Variants in CDC23 observed in about 807,000 individuals in gnomAD.
CDC23 encodes the protein cell division cycle 23.
A neutral mutation model predicts 81.7 loss-of-function variants in CDC23; 26 were observed. The ratio of observed to expected loss-of-function variants is 0.32; its 90% CI spans 0.23 to 0.44. The LOEUF is 0.44. Among genes scored for constraint, CDC23 ranks in the 20% least tolerant of loss-of-function variants. The pLI is 1.00. For missense variants in CDC23, 519 were observed against 728.0 expected, an observed-to-expected ratio of 0.71 and a Z score of 3.30; for synonymous variants, 267 against 270.8, an observed-to-expected ratio of 0.99 and a Z score of 0.14.
chr5:138,192,263 G>T lies in CDC23; in HGVS notation c.1286+6C>A. 6.2e-7 allele frequency: 1 copy of T among 1,614,128 alleles called. No individual in the cohort carries two copies. The highest frequency in any genetic ancestry group is 8.5e-7 in the Non-Finnish European group (1 of 1,180,010). The stretch of plus-strand genomic sequence containing the variant: ...ATCAGACGCATTGTCAAGTGACCAG[G>T]CTTACCGAAGCTGGTGGGCCCGTCT... On this transcript the variant is annotated splice_donor_region_variant and intron_variant, in intron 11 of 15. Transcript: ENST00000394886.
intron 12 of CDC23, 74 bp downstream of exon 12, chr5:138,191,787 TA>T: frequency 8.2e-7 from 1 of 1,215,614 alleles, no homozygotes; most frequent in East Asian, 2.3e-5. Context: ...AGGGAAAAAT[TA>T]GAGCACAGAT....
At chr5:138,210,509 G>A (rs1235574038) in intron 2 of CDC23, among the ~76,000 whole-genome samples, 2 of 152,174 alleles carry the variant, frequency 1.3e-5, no homozygotes, top group East Asian at 1.9e-4. Context: ...CTGGGTGACA[G>A]AGCAACATTC....
Position 138,188,884 on chromosome 5 carries a change from A to T in CDC23, c.*94T>A. Reference sequence around the variant, plus strand: ...TGTTGCCATCTGTAGAAACAAGAAGAGCTGAGGTCCTTGGAACAGACGTGC... The same window carrying T: ...TGTTGCCATCTGTAGAAACAAGAAGTGCTGAGGTCCTTGGAACAGACGTGC... On this transcript the variant is annotated 3_prime_UTR_variant, in exon 16 of 16. Coordinates refer to ENST00000394886, the MANE Select transcript of CDC23 (RefSeq NM_004661.4). 1 of 1,233,106 alleles carries T rather than the reference A, an allele frequency of 8.1e-7. No homozygotes were observed. The highest frequency in any genetic ancestry group is 1.1e-6 in the Non-Finnish European group (1 of 893,814). 76.4% of individuals were successfully genotyped at this position (1,233,106 alleles called of 1,614,324 possible). A position where few individuals can be genotyped will look rare whatever the true frequency, so the allele number is the denominator to read the frequency against.
At position 138,187,756 on chromosome 5, in the gene CDC23, A is replaced by C. The variant is rs1455009574; in HGVS notation, c.*1222T>G. The stretch of plus-strand genomic sequence containing the variant: ...TCAAACATCATTCTGGACCATGGGA[A>C]CCTTGAAAAGGCATGGCAGTGGAGA... On this transcript the variant is annotated 3_prime_UTR_variant, in exon 16 of 16. Transcript: ENST00000394886. 1 of 216,974 alleles carries C rather than the reference A, an allele frequency of 4.6e-6. No homozygotes were observed. Among genetic ancestry groups the C allele is most frequent in the Non-Finnish European group, 9.3e-6 (1 of 107,024 alleles). 13.4% of individuals were successfully genotyped at this position (216,974 alleles called of 1,614,324 possible).
chr5:138,206,656 G>A lies in CDC23; in HGVS notation c.263C>T (p.Thr88Ile). The change falls in exon 3 of 16, where the codon ACC becomes ATC. Residue 88 changes from threonine to isoleucine, a missense_variant. Coordinates refer to ENST00000394886, the MANE Select transcript of CDC23 (RefSeq NM_004661.4). ...AACGTCAAAGTAGGCCTTGGCCAGG[G>A]TATAGGCATCCATATCCTGGGCATC... ...EEDAQDMDAY[T>I]LAKAYFDVKE... 6.2e-7 allele frequency: 1 copy of A among 1,613,234 alleles called. No homozygotes were observed. Among genetic ancestry groups the A allele is most frequent in the Non-Finnish European group, 8.5e-7 (1 of 1,179,592 alleles).
At chr5:138,195,608 TA>T (rs1561634007) in intron 9 of CDC23, among the ~76,000 whole-genome samples, 1 of 116,912 alleles carries the variant, frequency 8.6e-6, no homozygotes, top group East Asian at 2.4e-4. Context: ...TTATATATGA[TA>T]TATTTATATA....
At chr5:138,195,966 C>A (rs1194362999) in intron 9 of CDC23, among the ~76,000 whole-genome samples, 1 of 150,460 alleles carries the variant, frequency 6.6e-6, no homozygotes, top group Non-Finnish European at 1.5e-5. Flanking sequence ...TTCTTGCCAT[C>A]ACTCTACTCT....
At chr5:138,190,736 G>A (rs1227123687) in intron 13 of CDC23, among the ~76,000 whole-genome samples, 6 of 151,658 alleles carry the variant, frequency 4.0e-5, no homozygotes, top group African/African-American at 9.7e-5. Context: ...GCAAGACTCC[G>A]TCTCAAAAAA....
chr5:138,207,039 C>T (rs1373993429), intron 2 of CDC23, among the ~76,000 whole-genome samples: 2 of 151,914 alleles, frequency 1.3e-5, no homozygotes, highest in Admixed American at 1.3e-4. Flanking sequence ...GCCACCACTT[C>T]CAGCTAATTT....
At chr5:138,205,708 A>C (rs1022936765) in intron 3 of CDC23, among the ~76,000 whole-genome samples, 2 of 152,066 alleles carry the variant, frequency 1.3e-5, no homozygotes, top group Admixed American at 6.6e-5. Context: ...AAAAAAAAAA[A>C]AAAACAAAGA....
chr5:138,198,989 A>G (rs1036705254), intron 6 of CDC23, among the ~76,000 whole-genome samples: 1 of 152,246 alleles, frequency 6.6e-6, no homozygotes, highest in African/African-American at 2.4e-5. Context: ...GGCTCCAAAG[A>G]AAAGACAGGA....
intron 6 of CDC23, 113 bp downstream of exon 6, chr5:138,200,994 C>G (rs1201442296): frequency 1.7e-6 from 2 of 1,181,388 alleles, no homozygotes; most frequent in Non-Finnish European, 2.4e-6. Context: ...AGAGGCGCAG[C>G]AAAGGGAGAA....
chr5:138,206,519 CA>C, intron 3 of CDC23, 27 bp downstream of exon 3: 1 of 1,613,310 alleles, frequency 6.2e-7, no homozygotes, highest in Non-Finnish European at 8.5e-7. Context: ...TCACTAAAGG[CA>C]GAATGACATT....
At chr5:138,211,532 G>A (rs1278125788) in intron 2 of CDC23, among the ~76,000 whole-genome samples, 2 of 152,184 alleles carry the variant, frequency 1.3e-5, no homozygotes, top group Middle Eastern at 3.4e-3. Flanking sequence ...GCGTGGTGAC[G>A]GGTGCCTGTA....
chr5:138,195,700 CATATATACATATAATATATATGTAT>C (rs764162193), intron 9 of CDC23, among the ~76,000 whole-genome samples: 28,445 of 94,494 alleles, frequency 0.3, 5,276 homozygotes, highest in South Asian at 0.41. Context: ...AATATATATG[CATATATACATATAATATATATGTAT>C]ATATATACAT....
chr5:138,198,879 A>C, intron 6 of CDC23, 97 bp from the exon 7 acceptor site: 1 of 1,293,476 alleles, frequency 7.7e-7, no homozygotes, highest in Non-Finnish European at 1.1e-6. Context: ...GGAATTTATC[A>C]CTAAAATTTT....
rs192776052 is a variant in CDC23, at chr5:138,200,282, C to T, written c.654+825G>A. ...GAGTAGCTGGGATTACAGGCATCCA[C>T]AACCACACCTGGTTAATTTTTATAT... On this transcript the variant is annotated intron_variant, in intron 6 of 15. Coordinates refer to ENST00000394886, the MANE Select transcript of CDC23 (RefSeq NM_004661.4). Among the ~76,000 whole-genome samples, 28 of 152,288 alleles carry T rather than the reference C, an allele frequency of 1.8e-4. No homozygotes were observed. In the East Asian group the frequency reaches 5.2e-3, roughly 28 times the overall value.
Position 138,198,793 on chromosome 5 carries a change from G to A in CDC23, c.655-11C>T, listed in dbSNP as rs1754948674. 6.2e-7 allele frequency: 1 copy of A among 1,612,028 alleles called. No homozygotes were observed. The highest frequency in any genetic ancestry group is 2.2e-5 in the East Asian group (1 of 44,866). ...AGACAGGAACTTCAGCTGGCAGCAG[G>A]AGAGAGAGGGACACACTTAATATAA... On this transcript the variant is annotated splice_polypyrimidine_tract_variant and intron_variant, in intron 6 of 15. Transcript: ENST00000394886.
rs773911549 is a variant in CDC23, at chr5:138,189,021, G to A, written c.1751C>T (p.Thr584Ile). The A allele has an allele frequency of 6.8e-6, 11 of 1,614,030 alleles. No homozygotes were observed. In the Admixed American group the frequency reaches 1.3e-4, roughly 20 times the overall value. ...CAAGTTGAGTGGAGAAACTCTGCGT[G>A]TGGGGGTATTGTTAGCAGAGAGTGA... ...PASLSANNTP[T>I]RRVSPLNLSS... Residue 584 changes from threonine to isoleucine, a missense_variant, in exon 16 of 16, where the codon ACA becomes ATA. This residue lies in a region of CDC23 where 38 missense variants were observed against 34.7 expected (regional missense o/e 1.10). Transcript: ENST00000394886.
Sources: allele counts gnomAD v4.1 joint callset (sites outside exome capture counted in the v4.1 genomes callset), GRCh38; gene constraint gnomAD v4.1.1; regional missense constraint gnomAD v4.1.1; transcripts MANE v1.5; gene names NCBI Gene and HGNC (gene_info 2026-07-23, HGNC 2026-07-21).